Variants in ETV6 observed in about 807,000 individuals in gnomAD.
The protein encoded by ETV6 is ETS variant transcription factor 6, also known as transcription factor ETV6.
ETV6 carries 16 observed loss-of-function variants against 51.1 expected under a neutral mutation model. The ratio of observed to expected loss-of-function variants is 0.31; its 90% confidence interval spans 0.21 to 0.48. ETV6 has a LOEUF of 0.48. Among genes scored for constraint, ETV6 ranks in the 20% least tolerant of loss-of-function variants. The pLI is 0.99. For synonymous variants in ETV6, 240 were observed against 224.1 expected, an observed-to-expected ratio of 1.07 and a Z score of -0.64; for missense variants, 458 against 594.8, an observed-to-expected ratio of 0.77 and a Z score of 2.39.
At chr12:11,862,696 A>C (rs1200561113) in intron 4 of ETV6, among the ~76,000 whole-genome samples, 2 of 152,202 alleles carry the variant, frequency 1.3e-5, no homozygotes, top group Non-Finnish European at 2.9e-5. Context: ...TGGATGTTTA[A>C]AATGACCTCA....
At chr12:11,732,998 T>G (rs535848186) in intron 1 of ETV6, among the ~76,000 whole-genome samples, 1 of 152,312 alleles carries the variant, frequency 6.6e-6, no homozygotes, top group South Asian at 2.1e-4. Flanking sequence ...AGCACCACTG[T>G]GTGACATTGG....
intron 2 of ETV6, among the ~76,000 whole-genome samples, chr12:11,767,354 G>T (rs1240233150): frequency 6.6e-6 from 1 of 152,192 alleles, no homozygotes; most frequent in Non-Finnish European, 1.5e-5. Flanking sequence ...CCACTATTGG[G>T]ATCTCTGGAG....
At chr12:11,804,015 G>C (rs1945790457) in intron 2 of ETV6, among the ~76,000 whole-genome samples, 1 of 152,064 alleles carries the variant, frequency 6.6e-6, no homozygotes, top group South Asian at 2.1e-4. Flanking sequence ...AGCCTACTTA[G>C]GGTAATAGAA....
At chr12:11,683,827 T>G (rs1052913524) in intron 1 of ETV6, among the ~76,000 whole-genome samples, 8 of 152,146 alleles carry the variant, frequency 5.3e-5, no homozygotes, top group Non-Finnish European at 1.2e-4. Flanking sequence ...TTGTGTTACC[T>G]TTTTTTCCTG....
chr12:11,695,316 G>T (rs765617003), intron 1 of ETV6, among the ~76,000 whole-genome samples: 3 of 152,202 alleles, frequency 2.0e-5, no homozygotes, highest in Non-Finnish European at 2.9e-5. Flanking sequence ...TTGGAGCCAA[G>T]AACACTGAGG....
At position 11,859,118 on chromosome 12, in the gene ETV6, GGTTTTT is replaced by G. The variant is rs1946674661; in HGVS notation, c.463+5558_463+5563del. On this transcript the variant is annotated intron_variant, in intron 4 of 7. Transcript: ENST00000396373. Reference sequence around the variant, plus strand: ...TAAAGAAGATGAGGTATATGAATCTGGTTTTTTTTTTTTTTTTTTTTTTTTTTTTTT... The same window carrying G: ...TAAAGAAGATGAGGTATATGAATCTGTTTTTTTTTTTTTTTTTTTTTTTTT... Among the ~76,000 whole-genome samples, 31 of 41,800 alleles carry G rather than the reference GGTTTTT, an allele frequency of 7.4e-4. 12 individuals carry two copies. Among genetic ancestry groups the G allele is most frequent in the Middle Eastern group, 0.024 (2 of 84 alleles). The allele number at this position is 41,800 out of a possible 152,430, so 27.4% of individuals were successfully genotyped here. A position where few individuals can be genotyped will look rare whatever the true frequency, so the allele number is the denominator to read the frequency against.
At chr12:11,809,797 G>T (rs1002457406) in intron 2 of ETV6, among the ~76,000 whole-genome samples, 4 of 150,562 alleles carry the variant, frequency 2.7e-5, no homozygotes, top group African/African-American at 7.3e-5. Flanking sequence ...AAATGGGGAG[G>T]GAATAGAGCT....
At chr12:11,712,659 A>G (rs1312167805) in intron 1 of ETV6, among the ~76,000 whole-genome samples, 1 of 152,156 alleles carries the variant, frequency 6.6e-6, no homozygotes, top group Non-Finnish European at 1.5e-5. Flanking sequence ...GGGAGACCCA[A>G]GTTTTTTTCT....
At chr12:11,859,701 C>T (rs375023525) in intron 4 of ETV6, among the ~76,000 whole-genome samples, 18 of 152,224 alleles carry the variant, frequency 1.2e-4, no homozygotes, top group African/African-American at 3.4e-4. Context: ...CATTCCACTG[C>T]GCAGAATGAG....
chr12:11,741,265 C>T lies in ETV6; in HGVS notation c.34-11185C>T, dbSNP rs557568020. On this transcript the variant is annotated intron_variant, in intron 1 of 7. Transcript: ENST00000396373. Reference sequence around the variant, plus strand: ...AGGTGCATCTCTGTAGCAACCTTGACAGCCATCATGTGGGATCATTCCCCT... The same window carrying T: ...AGGTGCATCTCTGTAGCAACCTTGATAGCCATCATGTGGGATCATTCCCCT... Among the ~76,000 whole-genome samples the T allele has an allele frequency of 2.2e-3, 340 of 152,308 alleles. 4 individuals are homozygous for T. Among genetic ancestry groups the T allele is most frequent in the African/African-American group, 7.8e-3 (325 of 41,570 alleles).
At chr12:11,779,966 G>C (rs1945388525) in intron 2 of ETV6, among the ~76,000 whole-genome samples, 1 of 152,182 alleles carries the variant, frequency 6.6e-6, no homozygotes, top group South Asian at 2.1e-4. Flanking sequence ...ATTACAAATA[G>C]ATGACATGAC....
chr12:11,720,032 C>T (rs935054111), intron 1 of ETV6, among the ~76,000 whole-genome samples: 12 of 152,180 alleles, frequency 7.9e-5, no homozygotes, highest in Admixed American at 3.9e-4. Context: ...TGGTCTCCCA[C>T]GAATCAGAAG....
intron 2 of ETV6, among the ~76,000 whole-genome samples, chr12:11,837,015 A>C (rs1191317397): frequency 2.0e-5 from 3 of 152,198 alleles, no homozygotes; most frequent in Non-Finnish European, 2.9e-5. Context: ...ATTGACAGTA[A>C]GGAGTTAGGT....
chr12:11,695,595 C>G (rs1425426538), intron 1 of ETV6, among the ~76,000 whole-genome samples: 1 of 152,224 alleles, frequency 6.6e-6, no homozygotes, highest in Non-Finnish European at 1.5e-5. Context: ...GCAAGGCTGT[C>G]TTTTTCTCAA....
At chr12:11,730,864 G>A (rs563377097) in intron 1 of ETV6, among the ~76,000 whole-genome samples, 2 of 152,292 alleles carry the variant, frequency 1.3e-5, no homozygotes, top group South Asian at 4.1e-4. Flanking sequence ...TATGCCTCCA[G>A]GAGACCAGAG....
intron 3 of ETV6, chr12:11,840,557 C>T (rs1946374439): frequency 2.2e-6 from 1 of 455,178 alleles, no homozygotes; most frequent in Non-Finnish European, 4.4e-6. Context: ...CTCCTGGAGA[C>T]CTGCCAGAAG....
At chr12:11,765,566 T>C (rs1205713284) in intron 2 of ETV6, among the ~76,000 whole-genome samples, 1 of 152,140 alleles carries the variant, frequency 6.6e-6, no homozygotes, top group East Asian at 1.9e-4. Context: ...CATAAAATAC[T>C]GTATCTTATT....
At chr12:11,848,799 T>C (rs1946504629) in intron 3 of ETV6, among the ~76,000 whole-genome samples, 1 of 152,228 alleles carries the variant, frequency 6.6e-6, no homozygotes, top group African/African-American at 2.4e-5. Context: ...TTACATGAAC[T>C]GTGTATGTAT....
chr12:11,818,125 G>A (rs1196239481), intron 2 of ETV6, among the ~76,000 whole-genome samples: 1 of 152,204 alleles, frequency 6.6e-6, no homozygotes, highest in East Asian at 1.9e-4. Flanking sequence ...TCTGGGAAAG[G>A]GCCTTGGGGG....
Sources: gnomAD v4.1 joint callset for allele counts (sites outside exome capture counted in the v4.1 genomes callset) on GRCh38, gnomAD v4.1.1 for gene constraint, MANE v1.5 for transcripts, NCBI Gene and HGNC (gene_info 2026-07-23, HGNC 2026-07-21) for gene names.